POLN: variants seen among roughly 807,000 people sequenced by gnomAD.
POLN encodes the protein DNA polymerase N.
POLN carries 108 observed loss-of-function variants against 113.5 expected under a neutral mutation model. That is an observed-to-expected ratio of 0.95 (90% CI 0.81 to 1.12). The LOEUF (loss-of-function observed/expected upper bound fraction) is 1.12, where lower values mean the gene tolerates loss of function less well. Ranked by LOEUF, POLN falls within the 50% of genes most tolerant of loss-of-function variation. POLN has a pLI of 0.00. For missense variants in POLN, 1,097 were observed against 1,077.1 expected, an observed-to-expected ratio of 1.02 and a Z score of -0.26; for synonymous variants, 386 against 391.5, an observed-to-expected ratio of 0.99 and a Z score of 0.17.
intron 16 of POLN, among the ~76,000 whole-genome samples, chr4:2,135,280 C>T (rs920441191): frequency 2.0e-5 from 3 of 152,124 alleles, no homozygotes; most frequent in African/African-American, 4.8e-5. Flanking sequence ...AGACAGGAAG[C>T]GGCCACAGAA....
At chr4:2,167,286 C>T (rs1732752716) in intron 13 of POLN, among the ~76,000 whole-genome samples, 1 of 152,184 alleles carries the variant, frequency 6.6e-6, no homozygotes, top group African/African-American at 2.4e-5. Context: ...GCTGGACCAT[C>T]TTCCCAGAGT....
At chr4:2,104,331 T>A (rs1481764370) in intron 19 of POLN, among the ~76,000 whole-genome samples, 3 of 152,242 alleles carry the variant, frequency 2.0e-5, no homozygotes, top group African/African-American at 7.2e-5. Flanking sequence ...TTTGCTATTA[T>A]GACTAATACC....
At chr4:2,130,266 A>G (rs1240167851) in intron 17 of POLN, among the ~76,000 whole-genome samples, 1 of 121,612 alleles carries the variant, frequency 8.2e-6, no homozygotes, top group African/African-American at 3.1e-5. Flanking sequence ...ACAGAAGAGG[A>G]GAGGAGAGGG....
intron 3 of POLN, among the ~76,000 whole-genome samples, chr4:2,219,739 C>T (rs1417475228): frequency 1.3e-5 from 2 of 152,124 alleles, no homozygotes; most frequent in Non-Finnish European, 2.9e-5. Context: ...GCATGTCCAC[C>T]TCTCCTGGCT....
chr4:2,185,496 A>G (rs1029434628), intron 7 of POLN, among the ~76,000 whole-genome samples: 1 of 152,260 alleles, frequency 6.6e-6, no homozygotes, highest in African/African-American at 2.4e-5. Context: ...CTGTAATCCC[A>G]GCACTTTGGG....
intron 3 of POLN, among the ~76,000 whole-genome samples, chr4:2,222,670 C>G (rs548578829): frequency 6.6e-6 from 1 of 151,462 alleles, no homozygotes; most frequent in Non-Finnish European, 1.5e-5. Flanking sequence ...TCACGTTTAG[C>G]CTTTAATTGC....
chr4:2,078,465 T>A (rs979792160), intron 23 of POLN: 6 of 683,876 alleles, frequency 8.8e-6, no homozygotes, highest in African/African-American at 7.8e-5. Context: ...CAGATGAATC[T>A]TCTTCTTCTT....
At chr4:2,231,784 A>C in intron 2 of POLN, 1 of 556,128 alleles carries the variant, frequency 1.8e-6, no homozygotes, top group Non-Finnish European at 3.2e-6. Context: ...CATGAGAAAA[A>C]AGACAAATTA....
At chr4:2,229,615 A>G in intron 2 of POLN, 1 of 154,818 alleles carries the variant, frequency 6.5e-6, no homozygotes, top group South Asian at 2.0e-4. Context: ...ACCTGAGGTC[A>G]GGAGTTCGAG....
At chr4:2,240,043 T>C in intron 2 of POLN, 12 of 1,610,730 alleles carry the variant, frequency 7.5e-6, no homozygotes, top group Non-Finnish European at 1.0e-5. Flanking sequence ...CTTACCTTGC[T>C]GGTTAGGCTG....
intron 16 of POLN, among the ~76,000 whole-genome samples, chr4:2,155,526 T>C (rs1732402600): frequency 6.6e-6 from 1 of 152,152 alleles, no homozygotes; most frequent in Admixed American, 6.5e-5. Flanking sequence ...ACACCATCTA[T>C]GCAAATGCCT....
intron 5 of POLN, among the ~76,000 whole-genome samples, chr4:2,201,829 C>A (rs978190183): frequency 3.3e-5 from 5 of 152,066 alleles, no homozygotes; most frequent in African/African-American, 1.2e-4. Flanking sequence ...TAAAGGAAAA[C>A]CTATCAGATT....
chr4:2,073,098 A>G, intron 24 of POLN, 69 bp from the exon 25 acceptor site: 1 of 1,509,098 alleles, frequency 6.6e-7, no homozygotes, highest in Non-Finnish European at 9.2e-7. Context: ...CGAAGATAAG[A>G]GAACTTTCAG....
rs1420956134 is a variant in POLN at position 2,080,380 on chromosome 4, A to G, written c.2387+578T>C. On this transcript the variant is annotated intron_variant, in intron 23 of 25. Coordinates refer to ENST00000511885, the MANE Select transcript of POLN (RefSeq NM_181808.4). Reference sequence around the variant, plus strand: ...AGCCAGGGCGGAGCCCCCCCCCACCAAGGCACATCTGCATGTTGGCTCTGG... The same window carrying G: ...AGCCAGGGCGGAGCCCCCCCCCACCGAGGCACATCTGCATGTTGGCTCTGG... 11 of 1,023,852 alleles carry G rather than the reference A, an allele frequency of 1.1e-5. No individual in the cohort carries two copies. The South Asian group carries it at 3.5e-4, about 32-fold the overall frequency. 63.4% of individuals were successfully genotyped at this position (1,023,852 alleles called of 1,614,324 possible).
In POLN at chr4:2,176,288, A is replaced by G. The variant is rs1732994061; in HGVS notation, c.1226T>C (p.Met409Thr). 1 of 1,604,974 alleles carries G rather than the reference A, an allele frequency of 6.2e-7. No individual in the cohort carries two copies. Among genetic ancestry groups the G allele is most frequent in the Non-Finnish European group, 8.5e-7 (1 of 1,176,384 alleles). ...TGCCTTCAGTTTAGAGCAAAGGTCC[A>G]TTGTAAGTCTGTAGAGTGTCTTCAG... ...ENLKTLYRLT[M>T]DLCSKLKDYG... The change falls in exon 9 of 26, where the codon ATG becomes ACG. Residue 409 changes from methionine to threonine, a missense_variant. Coordinates refer to ENST00000511885, the MANE Select transcript of POLN (RefSeq NM_181808.4).
chr4:2,207,528 G>T (rs1466893452), intron 5 of POLN, among the ~76,000 whole-genome samples: 1 of 151,892 alleles, frequency 6.6e-6, no homozygotes, highest in Non-Finnish European at 1.5e-5. Context: ...AATATATAAA[G>T]ATCCAGAATA....
At chr4:2,171,048 A>T (rs1480671572) in intron 12 of POLN, 50 bp downstream of exon 12, 4 of 1,451,666 alleles carry the variant, frequency 2.8e-6, no homozygotes, top group Non-Finnish European at 3.8e-6. Flanking sequence ...TCTCCCTTTA[A>T]CTCCTGAATA....
In POLN at chr4:2,242,106, C is replaced by T. The variant is rs1050180272; in HGVS notation, c.-339G>A. On this transcript the variant is annotated 5_prime_UTR_variant, in exon 1 of 26. Coordinates refer to ENST00000511885, the MANE Select transcript of POLN (RefSeq NM_181808.4). Reference sequence around the variant, plus strand: ...GCCCGCCGCCACCGCCCTCCGTGCCCCGCGCGCCTCGCACTGCCTCACGGG... The same window carrying T: ...GCCCGCCGCCACCGCCCTCCGTGCCTCGCGCGCCTCGCACTGCCTCACGGG... The T allele has an allele frequency of 2.0e-6, 2 of 985,794 alleles. No homozygotes were observed. The highest frequency in any genetic ancestry group is 3.5e-5 in the African/African-American group (2 of 57,260). 61.1% of individuals were successfully genotyped at this position (985,794 alleles called of 1,614,324 possible).
At chr4:2,207,861 T>C in intron 5 of POLN, 126 bp downstream of exon 5, 1 of 1,086,508 alleles carries the variant, frequency 9.2e-7, no homozygotes, top group African/African-American at 1.6e-5. Flanking sequence ...GTCAATCACT[T>C]ACCACTGGAG....
Sources: gnomAD v4.1 joint callset for allele counts (sites outside exome capture counted in the v4.1 genomes callset) on GRCh38, gnomAD v4.1.1 for gene constraint, MANE v1.5 for transcripts, NCBI Gene and HGNC (gene_info 2026-07-23, HGNC 2026-07-21) for gene names.